SPIDR: variants seen among roughly 807,000 people sequenced by gnomAD.
SPIDR encodes DNA repair-scaffolding protein.
A neutral mutation model predicts 104.6 loss-of-function variants in SPIDR; 93 were observed. The ratio of observed to expected loss-of-function variants is 0.89; its 90% CI spans 0.75 to 1.06. The LOEUF is 1.06. Ranked by LOEUF, SPIDR falls within the 50% of genes least tolerant of loss-of-function variation. SPIDR has a pLI of 0.00. For missense variants in SPIDR, 1,154 were observed against 1,111.2 expected, an observed-to-expected ratio of 1.04 and a Z score of -0.55; for synonymous variants, 431 against 416.9, an observed-to-expected ratio of 1.03 and a Z score of -0.41.
At chr8:47,294,687 A>G (rs896108205) in intron 5 of SPIDR, among the ~76,000 whole-genome samples, 4 of 152,260 alleles carry the variant, frequency 2.6e-5, no homozygotes, top group Admixed American at 1.3e-4. Context: ...CTAGAACGCA[A>G]TGGTGCGATC....
At chr8:47,422,309 C>T (rs929491243) in intron 7 of SPIDR, among the ~76,000 whole-genome samples, 8 of 152,174 alleles carry the variant, frequency 5.3e-5, no homozygotes, top group African/African-American at 1.4e-4. Context: ...TCAGCAATGG[C>T]GGGCTCCCCT....
At chr8:47,261,663 AAC>A (rs1487934035) in intron 1 of SPIDR, among the ~76,000 whole-genome samples, 1 of 152,218 alleles carries the variant, frequency 6.6e-6, no homozygotes, top group African/African-American at 2.4e-5. Flanking sequence ...TTAAAAAGCA[AAC>A]ACAGGACCTC....
chr8:47,444,909 A>G (rs1178842150), intron 8 of SPIDR, among the ~76,000 whole-genome samples: 2 of 152,202 alleles, frequency 1.3e-5, no homozygotes, highest in Admixed American at 6.5e-5. Context: ...ATAAACAGCT[A>G]TGTAGTAGAT....
intron 16 of SPIDR, among the ~76,000 whole-genome samples, chr8:47,721,297 C>G (rs1018930148): frequency 2.6e-5 from 4 of 152,068 alleles, no homozygotes; most frequent in Non-Finnish European, 4.4e-5. Flanking sequence ...TGTCTAGATT[C>G]ATTTTTTTGC....
At chr8:47,422,687 T>C (rs1226972207) in intron 7 of SPIDR, among the ~76,000 whole-genome samples, 1 of 152,160 alleles carries the variant, frequency 6.6e-6, no homozygotes, top group East Asian at 1.9e-4. Context: ...AAATCATATG[T>C]CTTTTGTGTC....
At chr8:47,266,595 C>G (rs1042768206) in intron 1 of SPIDR, among the ~76,000 whole-genome samples, 4 of 152,100 alleles carry the variant, frequency 2.6e-5, no homozygotes, top group Non-Finnish European at 4.4e-5. Flanking sequence ...TTTGTGTGAA[C>G]ATAAGTTTTC....
At chr8:47,432,646 G>A (rs1296051401) in intron 7 of SPIDR, among the ~76,000 whole-genome samples, 2 of 152,204 alleles carry the variant, frequency 1.3e-5, no homozygotes, top group African/African-American at 4.8e-5. Context: ...GGAGAGTCAT[G>A]CCCAGGGAGA....
At chr8:47,294,062 A>T in intron 5 of SPIDR, 32 bp downstream of exon 5, 1 of 1,574,592 alleles carries the variant, frequency 6.4e-7, no homozygotes, top group Non-Finnish European at 8.6e-7. Flanking sequence ...ACTTTTATTC[A>T]CTTTATAACA....
chr8:47,389,933 TG>T (rs1241443576), intron 5 of SPIDR, among the ~76,000 whole-genome samples: 1 of 152,126 alleles, frequency 6.6e-6, no homozygotes, highest in Non-Finnish European at 1.5e-5. Context: ...TCCAGATGAT[TG>T]AAAAATTCAT....
intron 8 of SPIDR, among the ~76,000 whole-genome samples, chr8:47,577,837 A>G (rs906402252): frequency 3.9e-5 from 6 of 152,204 alleles, no homozygotes; most frequent in Admixed American, 2.6e-4. Context: ...GACCTGCTGA[A>G]TCAAAGTCTG....
chr8:47,350,382 C>T (rs782074251), intron 5 of SPIDR, among the ~76,000 whole-genome samples: 57 of 152,294 alleles, frequency 3.7e-4, no homozygotes, highest in Middle Eastern at 3.4e-3. Context: ...GGCGCAATCT[C>T]GGCCCACTGC....
intron 5 of SPIDR, among the ~76,000 whole-genome samples, chr8:47,321,607 A>C (rs183601779): frequency 1.3e-5 from 2 of 152,166 alleles, no homozygotes; most frequent in African/African-American, 4.8e-5. Context: ...TAAAGTTCAT[A>C]TGGAACCAAA....
intron 10 of SPIDR, among the ~76,000 whole-genome samples, chr8:47,620,570 T>A (rs941101548): frequency 4.0e-5 from 6 of 151,088 alleles, no homozygotes; most frequent in Non-Finnish European, 7.4e-5. Context: ...ACCCGGCCCA[T>A]TTAAACCATT....
chr8:47,595,125 C>T (rs10099656), intron 8 of SPIDR, among the ~76,000 whole-genome samples: 1 of 152,096 alleles, frequency 6.6e-6, no homozygotes, highest in Admixed American at 6.5e-5. Context: ...CTTATGTTTA[C>T]TTTACATATA....
At chr8:47,275,865 GGTTT>G (rs1172740736) in intron 1 of SPIDR, among the ~76,000 whole-genome samples, 1 of 151,626 alleles carries the variant, frequency 6.6e-6, no homozygotes, top group Non-Finnish European at 1.5e-5. Flanking sequence ...GTTTTTTGTT[GGTTT>G]GTTTGAGACT....
chr8:47,728,548 A>G (rs1403795633), intron 17 of SPIDR, among the ~76,000 whole-genome samples: 2 of 151,992 alleles, frequency 1.3e-5, no homozygotes, highest in Non-Finnish European at 1.5e-5. Context: ...TGTGGAAGAG[A>G]TGAGCACATG....
upstream of SPIDR, chr8:47,260,895 C>T (rs1027432117): frequency 5.0e-6 from 6 of 1,190,432 alleles, no homozygotes; most frequent in East Asian, 3.5e-5. Context: ...GGGCGCGGTG[C>T]GGCGCGCCGA....
At chr8:47,612,019 C>G (rs2063675965) in intron 10 of SPIDR, among the ~76,000 whole-genome samples, 1 of 152,168 alleles carries the variant, frequency 6.6e-6, no homozygotes, top group African/African-American at 2.4e-5. Context: ...ACCTGGTTTC[C>G]CATAAGCGCA....
chr8:47,528,702 G>A (rs2085416244), intron 8 of SPIDR, among the ~76,000 whole-genome samples: 1 of 151,652 alleles, frequency 6.6e-6, no homozygotes, highest in Admixed American at 6.6e-5. Context: ...CATGGCCACT[G>A]AAAGAATTAG....
Sources: gnomAD v4.1 joint callset for allele counts (sites outside exome capture counted in the v4.1 genomes callset) on GRCh38, gnomAD v4.1.1 for gene constraint, MANE v1.5 for transcripts, NCBI Gene and HGNC (gene_info 2026-07-23, HGNC 2026-07-21) for gene names.